Variants in CASKIN1 observed in about 807,000 individuals in gnomAD.
CASKIN1 encodes CASK interacting protein 1.
In CASKIN1, 42 loss-of-function variants were observed where a neutral mutation model predicts 117.5. The ratio of observed to expected loss-of-function variants is 0.36; its 90% confidence interval spans 0.28 to 0.46. The LOEUF is 0.46. Among genes scored for constraint, CASKIN1 ranks in the 20% least tolerant of loss-of-function variants. The probability of loss-of-function intolerance (pLI) is 1.00; values close to 1 mark genes in which losing one functional copy is unlikely to be tolerated. For synonymous variants in CASKIN1, 1,148 were observed against 961.7 expected (o/e 1.19, Z -3.59); for missense variants, 2,083 against 2,077.3 (o/e 1.00, Z -0.05).
Position 2,189,102 on chromosome 16 carries a change from G to C in CASKIN1, c.542C>G (p.Pro181Arg), listed in dbSNP as rs376455005. ...NMCAALLEPRPGDATDPNGTS... is the reference protein window; with the variant it reads ...NMCAALLEPRRGDATDPNGTS... ...GCCGTTGGGGTCGGTGGCGTCTCCCGGCCGGGGCTCCAGCAGCGCCGCACA... is the reference window on the plus strand; with the variant it reads ...GCCGTTGGGGTCGGTGGCGTCTCCCCGCCGGGGCTCCAGCAGCGCCGCACA... The change falls in exon 6 of 20, where the codon CCG becomes CGG. Residue 181 changes from proline (P) to arginine (R), a missense_variant. Transcript: ENST00000343516. The C allele has an allele frequency of 3.1e-6, 5 of 1,613,382 alleles. No individual in the cohort carries two copies. The African/African-American group carries it at 5.3e-5, about 17-fold the overall frequency.
At position 2,180,929 on chromosome 16, in the gene CASKIN1, C is replaced by T. The variant is rs549900013; in HGVS notation, c.2439G>A (p.Pro813=). 2.1e-4 allele frequency: 306 copies of T among 1,461,008 alleles called. No individual in the cohort carries two copies. In the East Asian group the frequency reaches 7.5e-3, roughly 36 times the overall value. 90.5% of individuals were successfully genotyped at this position (1,461,008 alleles called of 1,614,324 possible). The change falls in exon 18 of 20, where the codon CCG becomes CCA. Residue 813 remains proline (P), a synonymous_variant. Transcript: ENST00000343516. ...KVKPTPQLLP[P]TERPMSPRSL... The stretch of plus-strand genomic sequence containing the variant: ...AGCGGGGTGACATGGGGCGCTCTGT[C>T]GGCGGCAGCAGCTGCGGGGTGGGCT...
rs1425675720 is a variant in CASKIN1 at position 2,179,451 on chromosome 16, G to A, written c.3776-126C>T. ...CCCTGCTCACCTTGCCCCCAGCCCT[G>A]GATGGATGAGAGGGTCTGGGGACAC... On this transcript the variant is annotated intron_variant, in intron 18 of 19. Coordinates refer to ENST00000343516, the MANE Select transcript of CASKIN1 (RefSeq NM_020764.4). This position sits in a 1 kb window ranked among gnomAD's most constrained non-coding sequence, Gnocchi z 5.8. 4.3e-6 allele frequency: 6 copies of A among 1,383,686 alleles called. No individual in the cohort carries two copies. Among genetic ancestry groups the A allele is most frequent in the Middle Eastern group, 5.3e-4 (2 of 3,746 alleles). 85.7% of individuals were successfully genotyped at this position (1,383,686 alleles called of 1,614,324 possible). A position where few individuals can be genotyped will look rare whatever the true frequency, so the allele number is the denominator to read the frequency against.
chr16:2,195,387 G>T (rs1256396965), intron 1 of CASKIN1, among the ~76,000 whole-genome samples: 1 of 152,162 alleles, frequency 6.6e-6, no homozygotes, highest in Non-Finnish European at 1.5e-5. Context: ...GAGGGAGGAC[G>T]CCCAGACCCC....
rs1596685822 is a variant in CASKIN1, at chr16:2,180,352, C to T, written c.3016G>A (p.Ala1006Thr). The T allele has an allele frequency of 6.3e-7, 1 of 1,596,580 alleles. No homozygotes were observed. Among genetic ancestry groups the T allele is most frequent in the Non-Finnish European group, 8.5e-7 (1 of 1,177,598 alleles). ...GSAGSVKSIA[A>T]MLELSSIGGG... ...CCAATGGAGGACAGCTCCAGCATGG[C>T]CGCGATGCTCTTCACACTGCCGGCA... is the stretch of plus-strand genomic sequence containing the variant. Residue 1006 changes from alanine (A) to threonine (T), a missense_variant, in exon 18 of 20, where the codon GCC becomes ACC. Coordinates refer to ENST00000343516, the MANE Select transcript of CASKIN1 (RefSeq NM_020764.4).
Position 2,178,832 on chromosome 16 carries a change from ATCTCTGCCG to A in CASKIN1, c.4199+61_4199+69del, listed in dbSNP as rs1567256761. Reference sequence around the variant, plus strand: ...CGCCCATCTCTGCCGAGCCCCGCCCATCTCTGCCGAGCCCCGCCCATCTCTGCCGAGCCC... The same window carrying A: ...CGCCCATCTCTGCCGAGCCCCGCCCAAGCCCCGCCCATCTCTGCCGAGCCC... On this transcript the variant is annotated intron_variant, in intron 19 of 19. Transcript: ENST00000343516. 6.9e-5 allele frequency: 85 copies of A among 1,224,270 alleles called. No individual in the cohort carries two copies. In the African/African-American group the frequency reaches 1.4e-3, roughly 21 times the overall value. 75.8% of individuals were successfully genotyped at this position (1,224,270 alleles called of 1,614,324 possible). A position where few individuals can be genotyped will look rare whatever the true frequency, so the allele number is the denominator to read the frequency against.
At chr16:2,188,229 C>T (rs1214085240) in intron 6 of CASKIN1, among the ~76,000 whole-genome samples, 1 of 151,990 alleles carries the variant, frequency 6.6e-6, no homozygotes, top group Non-Finnish European at 1.5e-5. Flanking sequence ...CTCTGTCACC[C>T]AGGCTGGAAT....
intron 6 of CASKIN1, 194 bp downstream of exon 6, chr16:2,188,833 A>T: frequency 1.4e-6 from 1 of 738,502 alleles, no homozygotes; most frequent in Non-Finnish European, 2.1e-6. Flanking sequence ...GAGACGTCGC[A>T]GAAGCCCCCT....
rs1042654597 is a variant in CASKIN1, at chr16:2,177,901, C to A, written c.*649G>T. The A allele has an allele frequency of 1.2e-5, 4 of 328,094 alleles. No individual in the cohort carries two copies. Among genetic ancestry groups the A allele is most frequent in the African/African-American group, 2.2e-5 (1 of 45,632 alleles). The allele number at this position is 328,094 out of a possible 1,614,324, so 20.3% of individuals were successfully genotyped here. On this transcript the variant is annotated 3_prime_UTR_variant, in exon 20 of 20. Coordinates refer to ENST00000343516, the MANE Select transcript of CASKIN1 (RefSeq NM_020764.4). ...CCCAGCCTTCCACCTGTGCTAGCAG[C>A]CTGGGGCCTCCACTCTGGCCGGAGG...
Position 2,187,410 on chromosome 16 carries a change from C to G in CASKIN1, c.669G>C (p.Thr223=), listed in dbSNP as rs372009692. The G allele has an allele frequency of 1.5e-5, 24 of 1,610,952 alleles. No individual in the cohort carries two copies. The African/African-American group carries it at 3.1e-4, about 21-fold the overall frequency. ...IDINRQTKSG[T]ALHEAALCGK... is the part of the protein sequence containing the mutation. ...CGCAGAGCGCAGCCTCGTGCAGGGC[C>G]GTGCCGGACTTGGTCTGGCGGTTAA... Residue 223 remains threonine, a synonymous_variant, in exon 7 of 20, where the codon ACG becomes ACC. Coordinates refer to ENST00000343516, the MANE Select transcript of CASKIN1 (RefSeq NM_020764.4).
intron 19 of CASKIN1, 127 bp from the exon 20 acceptor site, chr16:2,178,773 C>A: frequency 7.5e-7 from 1 of 1,326,304 alleles, no homozygotes; most frequent in Non-Finnish European, 9.8e-7. Context: ...CTCGGCGGAG[C>A]CCCGCTCACG....
rs1019685421 is a variant in CASKIN1, at chr16:2,196,238, A to C, written c.94+101T>G. 41 of 275,894 alleles carry C rather than the reference A, an allele frequency of 1.5e-4. No individual in the cohort carries two copies. The highest frequency in any genetic ancestry group is 1.8e-4 in the Non-Finnish European group (29 of 164,582). The allele number at this position is 275,894 out of a possible 1,614,324, so 17.1% of individuals were successfully genotyped here. A position where few individuals can be genotyped will look rare whatever the true frequency, so the allele number is the denominator to read the frequency against. On this transcript the variant is annotated intron_variant, in intron 1 of 19. Transcript: ENST00000343516. The surrounding 1 kb of genome is among the most constrained non-coding windows in gnomAD (Gnocchi z 5.7). Reference sequence around the variant, plus strand: ...TGCTGGCCCCGCCCCGCCCCCGGGGACCCGACAACGTCCCCTCCCCGCCCG... The same window carrying C: ...TGCTGGCCCCGCCCCGCCCCCGGGGCCCCGACAACGTCCCCTCCCCGCCCG...
chr16:2,179,016 C>A lies in CASKIN1; in HGVS notation c.4085G>T (p.Gly1362Val), dbSNP rs1456494550. 4.2e-6 allele frequency: 5 copies of A among 1,186,040 alleles called. No homozygotes were observed. The highest frequency in any genetic ancestry group is 1.6e-5 in the African/African-American group (1 of 62,220). The allele number at this position is 1,186,040 out of a possible 1,614,324, so 73.5% of individuals were successfully genotyped here. Residue 1362 changes from glycine to valine, a missense_variant, in exon 19 of 20, where the codon GGC becomes GTC. Gly to Val is a moderately radical substitution (Grantham distance 109). Around this residue, in one of 3 missense-constraint regions of CASKIN1, gnomAD observed 1,818 missense variants for 1,688.9 expected, o/e 1.08. Transcript: ENST00000343516. This position sits in a 1 kb window ranked among gnomAD's most constrained non-coding sequence, Gnocchi z 5.8. ...CCGGGCGCTGTCCCCTGGCGAGGCG[C>A]CTTCGGGCGGGGCGGGGGGCGCGGC... Reference protein sequence around the residue: ...AAAAPPAPPEGASPGDSARQK... With the variant: ...AAAAPPAPPEVASPGDSARQK...
rs762304644 is a variant in CASKIN1 at position 2,189,405 on chromosome 16, C to G, written c.390+14G>C. 3.7e-6 allele frequency: 6 copies of G among 1,610,374 alleles called. No homozygotes were observed. Among genetic ancestry groups the G allele is most frequent in the South Asian group, 2.2e-5 (2 of 90,906 alleles). On this transcript the variant is annotated intron_variant, in intron 4 of 19. Coordinates refer to ENST00000343516, the MANE Select transcript of CASKIN1 (RefSeq NM_020764.4). ...TGCCCCGCCCCCGCTGCCCCGCCCC[C>G]GCTCGGGCCTCACCACATCATAGTG...
At chr16:2,190,050 C>T in intron 3 of CASKIN1, 23 bp downstream of exon 3, 2 of 1,608,746 alleles carry the variant, frequency 1.2e-6, no homozygotes, top group Non-Finnish European at 8.5e-7. Context: ...CTGCCCCCAC[C>T]AGAGGCCCTC....
At chr16:2,185,900 G>A (rs999769227) in intron 10 of CASKIN1, among the ~76,000 whole-genome samples, 1 of 152,248 alleles carries the variant, frequency 6.6e-6, no homozygotes, top group Non-Finnish European at 1.5e-5. Context: ...TTACTCAGAT[G>A]TACCCAGCTC....
At chr16:2,192,241 G>C (rs888696974) in intron 1 of CASKIN1, among the ~76,000 whole-genome samples, 1 of 152,020 alleles carries the variant, frequency 6.6e-6, no homozygotes, top group Non-Finnish European at 1.5e-5. Context: ...TGAAGCTGCA[G>C]TGAGCCGGGG....
intron 8 of CASKIN1, 39 bp downstream of exon 8, chr16:2,187,127 C>T: frequency 6.2e-7 from 1 of 1,612,994 alleles, no homozygotes; most frequent in Non-Finnish European, 8.5e-7. Flanking sequence ...GGCCCAGCCC[C>T]AGCCCCAGCC....
chr16:2,177,196 T>C lies in CASKIN1; in HGVS notation c.*1354A>G, dbSNP rs1278555793. 2 of 241,728 alleles carry C rather than the reference T, an allele frequency of 8.3e-6. No individual in the cohort carries two copies. Among genetic ancestry groups the C allele is most frequent in the Admixed American group, 5.0e-5 (1 of 20,002 alleles). The allele number at this position is 241,728 out of a possible 1,614,324, so 15.0% of individuals were successfully genotyped here. On this transcript the variant is annotated 3_prime_UTR_variant, in exon 20 of 20. Coordinates refer to ENST00000343516, the MANE Select transcript of CASKIN1 (RefSeq NM_020764.4). ...CCAGGCACCTCTGTTTCCTGCTGTT[T>C]ATTGACAGCCGACGGCAGCGCCTTG...
chr16:2,178,536 C>T lies in CASKIN1; in HGVS notation c.*14G>A, dbSNP rs775108304. Reference sequence around the variant, plus strand: ...AGGGCCCGGGCGGCGCGGGAGGGCCCGGCCAGGCGGCGTTCACTCCAGCAT... The same window carrying T: ...AGGGCCCGGGCGGCGCGGGAGGGCCTGGCCAGGCGGCGTTCACTCCAGCAT... On this transcript the variant is annotated 3_prime_UTR_variant, in exon 20 of 20. Transcript: ENST00000343516. 6.4e-7 allele frequency: 1 copy of T among 1,565,326 alleles called. No individual in the cohort carries two copies. Among genetic ancestry groups the T allele is most frequent in the South Asian group, 1.2e-5 (1 of 86,276 alleles).
Sources: gnomAD v4.1 joint callset for allele counts (sites outside exome capture counted in the v4.1 genomes callset) on GRCh38, gnomAD v4.1.1 for gene constraint, gnomAD v4.1.1 regional missense constraint, Gnocchi (gnomAD v3.1) non-coding constraint, MANE v1.5 for transcripts, NCBI Gene and HGNC (gene_info 2026-07-23, HGNC 2026-07-21) for gene names.